NOL4: variants seen among roughly 807,000 people sequenced by gnomAD.
The protein encoded by NOL4 is cancer/testis antigen 125.
In NOL4, 17 loss-of-function variants were observed where a neutral mutation model predicts 75.9. The ratio of observed to expected loss-of-function variants is 0.22; its 90% CI spans 0.15 to 0.34. The LOEUF is 0.34. Ranked by LOEUF, NOL4 falls within the 10% of genes least tolerant of loss-of-function variation. The pLI is 1.00. For synonymous variants in NOL4, 292 were observed against 289.9 expected (o/e 1.01, Z -0.07); for missense variants, 614 against 793.5 (o/e 0.77, Z 2.72).
chr18:33,980,369 A>G (rs757412141), intron 6 of NOL4, among the ~76,000 whole-genome samples: 5 of 152,082 alleles, frequency 3.3e-5, no homozygotes, highest in Non-Finnish European at 7.4e-5. Flanking sequence ...AATTTCTACC[A>G]AGTTTTTAAC....
chr18:34,095,697 A>G (rs1453647908), intron 4 of NOL4, among the ~76,000 whole-genome samples: 1 of 152,122 alleles, frequency 6.6e-6, no homozygotes, highest in African/African-American at 2.4e-5. Context: ...GTTTAATATT[A>G]CTATATGGAA....
rs745540326 is a variant in NOL4, at chr18:33,958,393, T to C, written c.1082A>G (p.Tyr361Cys). ...TACACTCTCATTTTTGCCAGAGTCA[T>C]AGCTGGAGTAACTATGTGCAGGAGA... ...SKSPAHSYSS[Y>C]DSGKNESVDR... The change falls in exon 7 of 11, where the codon TAT becomes TGT. Residue 361 changes from tyrosine (Y) to cysteine (C), a missense_variant. Transcript: ENST00000261592. 2 of 1,613,358 alleles carry C rather than the reference T, an allele frequency of 1.2e-6. No homozygotes were observed. The highest frequency in any genetic ancestry group is 1.1e-5 in the South Asian group (1 of 91,026).
intron 6 of NOL4, among the ~76,000 whole-genome samples, chr18:33,983,675 C>T (rs184396132): frequency 6.6e-6 from 1 of 151,398 alleles, no homozygotes; most frequent in Admixed American, 6.6e-5. Flanking sequence ...TGTAAACATG[C>T]ATAATATATA....
intron 1 of NOL4, among the ~76,000 whole-genome samples, chr18:34,212,479 T>C (rs953004737): frequency 1.3e-5 from 2 of 152,256 alleles, no homozygotes; most frequent in African/African-American, 4.8e-5. Context: ...TAAAGAACTA[T>C]GTATCAGTTC....
intron 1 of NOL4, among the ~76,000 whole-genome samples, chr18:34,216,306 A>G (rs1430782202): frequency 6.6e-6 from 1 of 152,232 alleles, no homozygotes; most frequent in Non-Finnish European, 1.5e-5. Flanking sequence ...CACAATATCT[A>G]TAATGTTCTG....
intron 10 of NOL4, among the ~76,000 whole-genome samples, chr18:33,881,964 C>T (rs1356755709): frequency 2.0e-5 from 3 of 152,146 alleles, no homozygotes; most frequent in East Asian, 3.9e-4. Flanking sequence ...AAAGGATTCC[C>T]TATTTAATAA....
At chr18:34,159,898 G>A (rs2031178198) in intron 1 of NOL4, among the ~76,000 whole-genome samples, 1 of 152,096 alleles carries the variant, frequency 6.6e-6, no homozygotes. Context: ...GCGGGAGAGG[G>A]ATGCGGGGAG....
In NOL4 at chr18:34,149,276, T is replaced by C. The variant is rs146616508; in HGVS notation, c.265-19256A>G. ...TTTCTGGTGTCCATAGCCAACAATC[T>C]GTAATACATGAGTATATTGGAAAGA... On this transcript the variant is annotated intron_variant, in intron 1 of 10. Coordinates refer to ENST00000261592, the MANE Select transcript of NOL4 (RefSeq NM_003787.5). 4.6e-5 allele frequency among the ~76,000 whole-genome samples: 7 copies of C among 151,786 alleles called. No individual in the cohort carries two copies. The East Asian group carries it at 1.4e-3, about 29-fold the overall frequency.
intron 6 of NOL4, among the ~76,000 whole-genome samples, chr18:33,989,098 G>A (rs548279338): frequency 6.8e-6 from 1 of 147,160 alleles, no homozygotes; most frequent in East Asian, 2.1e-4. Flanking sequence ...GAGGTGGGGA[G>A]GATCAACTGA....
chr18:33,944,309 G>A (rs775281196), intron 8 of NOL4, among the ~76,000 whole-genome samples: 1 of 151,872 alleles, frequency 6.6e-6, no homozygotes, highest in Non-Finnish European at 1.5e-5. Context: ...ACTCTGGCAT[G>A]TAGAGTGTGT....
chr18:34,201,220 A>T (rs2035716869), intron 1 of NOL4, among the ~76,000 whole-genome samples: 1 of 151,846 alleles, frequency 6.6e-6, no homozygotes, highest in Non-Finnish European at 1.5e-5. Context: ...CTTCTATAGC[A>T]TTTACTATAT....
chr18:34,061,912 C>T (rs192055391), intron 5 of NOL4, among the ~76,000 whole-genome samples: 2 of 152,182 alleles, frequency 1.3e-5, no homozygotes, highest in East Asian at 3.9e-4. Flanking sequence ...CTACACTCCT[C>T]TAGTCATGTT....
chr18:33,978,931 T>G (rs767914871), intron 6 of NOL4, among the ~76,000 whole-genome samples: 1 of 152,056 alleles, frequency 6.6e-6, no homozygotes, highest in Non-Finnish European at 1.5e-5. Context: ...ACTACAGGGA[T>G]AGAGCAAGTG....
intron 9 of NOL4, among the ~76,000 whole-genome samples, chr18:33,921,259 G>C (rs1338682285): frequency 5.9e-5 from 9 of 152,162 alleles, no homozygotes; most frequent in Non-Finnish European, 1.2e-4. Flanking sequence ...GGGACTTCTT[G>C]AGTTGAATAT....
intron 5 of NOL4, among the ~76,000 whole-genome samples, chr18:34,082,883 G>A (rs2078074105): frequency 6.6e-6 from 1 of 152,160 alleles, no homozygotes; most frequent in Admixed American, 6.5e-5. Flanking sequence ...CATAGGGAGA[G>A]ATGGGCTGAC....
chr18:34,137,166 A>G lies in NOL4; in HGVS notation c.265-7146T>C, dbSNP rs191449597. On this transcript the variant is annotated intron_variant, in intron 1 of 10. Transcript: ENST00000261592. The stretch of plus-strand genomic sequence containing the variant: ...AAATTAAATTAAATGATCAATGTAA[A>G]TGTAAGAGCTAAAACTCAAAATTTG... 1.1e-4 allele frequency among the ~76,000 whole-genome samples: 17 copies of G among 152,300 alleles called. No individual in the cohort carries two copies. In the East Asian group the frequency reaches 2.7e-3, roughly 24 times the overall value.
chr18:33,948,897 G>T (rs1010193878), intron 8 of NOL4, among the ~76,000 whole-genome samples: 5 of 151,946 alleles, frequency 3.3e-5, no homozygotes, highest in African/African-American at 9.7e-5. Context: ...TTAAGAGTGT[G>T]TTTAGTAGAC....
At chr18:34,215,435 A>G (rs913561600) in intron 1 of NOL4, among the ~76,000 whole-genome samples, 14 of 152,198 alleles carry the variant, frequency 9.2e-5, no homozygotes, top group African/African-American at 3.4e-4. Context: ...AGCAATAGGC[A>G]TATTTTATTA....
intron 9 of NOL4, among the ~76,000 whole-genome samples, chr18:33,891,960 T>C (rs1317186221): frequency 6.6e-6 from 1 of 152,148 alleles, no homozygotes; most frequent in Non-Finnish European, 1.5e-5. Flanking sequence ...ATACAATAAA[T>C]GAAACTTCCA....
Sources: allele counts gnomAD v4.1 joint callset (sites outside exome capture counted in the v4.1 genomes callset), GRCh38; gene constraint gnomAD v4.1.1; transcripts MANE v1.5; gene names NCBI Gene and HGNC (gene_info 2026-07-23, HGNC 2026-07-21).